Variants in PPM1L observed in about 807,000 individuals in gnomAD.
The protein encoded by PPM1L is protein phosphatase 1L.
Under a neutral mutation model 31.4 loss-of-function variants are expected in PPM1L, and 13 were observed. That is an observed-to-expected ratio of 0.41 (90% confidence interval 0.27 to 0.66). The LOEUF (loss-of-function observed/expected upper bound fraction) is 0.66. Among genes scored for constraint, PPM1L ranks in the 30% least tolerant of loss-of-function variants. The pLI is 0.29. For missense variants in PPM1L, 326 were observed against 453.7 expected (o/e 0.72, Z 2.56); for synonymous variants, 184 against 175.4 (o/e 1.05, Z -0.39).
chr3:160,889,837 G>C lies in PPM1L; in HGVS notation c.400-71899G>C, dbSNP rs549514191. On this transcript the variant is annotated intron_variant, in intron 1 of 3. Transcript: ENST00000498165. ...GTCAGCTTCATCCCTGGGATGCAAG[G>C]CTGGTTCAACATATGCAAATCAATA... 1.1e-4 allele frequency among the ~76,000 whole-genome samples: 16 copies of C among 152,280 alleles called. No individual in the cohort carries two copies. The East Asian group carries it at 2.5e-3, about 24-fold the overall frequency.
chr3:160,800,026 G>T (rs372163912), intron 1 of PPM1L, among the ~76,000 whole-genome samples: 1 of 152,042 alleles, frequency 6.6e-6, no homozygotes, highest in African/African-American at 2.4e-5. Flanking sequence ...ATAAACATTT[G>T]TTAAATGCAT....
At chr3:160,992,538 G>A (rs979716211) in intron 2 of PPM1L, among the ~76,000 whole-genome samples, 4 of 152,102 alleles carry the variant, frequency 2.6e-5, no homozygotes, top group Non-Finnish European at 5.9e-5. Flanking sequence ...AGAATTCGAG[G>A]GATATACCTG....
intron 2 of PPM1L, among the ~76,000 whole-genome samples, chr3:161,016,598 A>G (rs1718094354): frequency 6.6e-6 from 1 of 152,202 alleles, no homozygotes; most frequent in African/African-American, 2.4e-5. Context: ...CTTATAAGAT[A>G]GATGAGGAAC....
intron 1 of PPM1L, among the ~76,000 whole-genome samples, chr3:160,815,106 T>C (rs1269197345): frequency 6.6e-6 from 1 of 151,982 alleles, no homozygotes; most frequent in Non-Finnish European, 1.5e-5. Context: ...AAATCACCAC[T>C]AAGGAACTTA....
chr3:160,846,880 GT>G (rs1299673741), intron 1 of PPM1L, among the ~76,000 whole-genome samples: 1 of 151,760 alleles, frequency 6.6e-6, no homozygotes, highest in Non-Finnish European at 1.5e-5. Flanking sequence ...TTTTTTACTA[GT>G]TTTTTATGTG....
chr3:160,931,093 A>G (rs1714770851), intron 1 of PPM1L, among the ~76,000 whole-genome samples: 1 of 152,224 alleles, frequency 6.6e-6, no homozygotes, highest in Admixed American at 6.5e-5. Context: ...TGTATAAATG[A>G]CACTAATTAA....
In PPM1L at chr3:160,944,664, A is replaced by G. The variant is rs181349964; in HGVS notation, c.400-17072A>G. Among the ~76,000 whole-genome samples the G allele has an allele frequency of 2.4e-3, 348 of 142,952 alleles. 1 individual carries two copies. The highest frequency in any genetic ancestry group is 8.5e-3 in the African/African-American group (338 of 39,668). 93.8% of individuals were successfully genotyped at this position (142,952 alleles called of 152,430 possible). A position where few individuals can be genotyped will look rare whatever the true frequency, so the allele number is the denominator to read the frequency against. On this transcript the variant is annotated intron_variant, in intron 1 of 3. Coordinates refer to ENST00000498165, the MANE Select transcript of PPM1L (RefSeq NM_139245.4). ...TCAAATTTAACACAGTGCCCCATAC[A>G]TGAAGGCACATAATAAATGCAAGCT...
intron 1 of PPM1L, among the ~76,000 whole-genome samples, chr3:160,942,786 A>G (rs969362973): frequency 6.6e-6 from 1 of 152,228 alleles, no homozygotes; most frequent in African/African-American, 2.4e-5. Context: ...CCATGTGCAT[A>G]TAAACATCAT....
chr3:160,825,830 C>G (rs1382004627), intron 1 of PPM1L, among the ~76,000 whole-genome samples: 1 of 152,030 alleles, frequency 6.6e-6, no homozygotes, highest in Non-Finnish European at 1.5e-5. Flanking sequence ...ATTCGCGAAC[C>G]CTCCACACTC....
intron 1 of PPM1L, among the ~76,000 whole-genome samples, chr3:160,767,642 A>G (rs1158153545): frequency 6.6e-6 from 1 of 152,158 alleles, no homozygotes; most frequent in Non-Finnish European, 1.5e-5. Context: ...TTTCAACATT[A>G]TTGTTGCAAA....
Position 161,074,134 on chromosome 3 carries a change from C to T in PPM1L, c.*4977C>T, listed in dbSNP as rs1045536138. The T allele has an allele frequency of 3.3e-5, 5 of 152,148 alleles. No homozygotes were observed. Among genetic ancestry groups the T allele is most frequent in the Admixed American group, 2.6e-4 (4 of 15,282 alleles). 9.4% of individuals were successfully genotyped at this position (152,148 alleles called of 1,614,324 possible). ...TGTTATATAATAACTGAAATGTAAA[C>T]TATTAACAGTTATTTACTTTCTTTC... On this transcript the variant is annotated 3_prime_UTR_variant, in exon 4 of 4. Transcript: ENST00000498165.
At chr3:160,936,415 T>C (rs530250553) in intron 1 of PPM1L, among the ~76,000 whole-genome samples, 1 of 152,230 alleles carries the variant, frequency 6.6e-6, no homozygotes, top group South Asian at 2.1e-4. Context: ...TCAAATTTCT[T>C]GACATTATTT....
At chr3:161,025,237 TTC>T (rs1034904321) in intron 2 of PPM1L, among the ~76,000 whole-genome samples, 33 of 152,166 alleles carry the variant, frequency 2.2e-4, no homozygotes, top group African/African-American at 7.9e-4. Flanking sequence ...CCATGAGAGC[TTC>T]TCCTTCATGA....
intron 1 of PPM1L, among the ~76,000 whole-genome samples, chr3:160,896,463 A>G (rs1266522928): frequency 6.6e-6 from 1 of 152,170 alleles, no homozygotes; most frequent in Non-Finnish European, 1.5e-5. Context: ...CTCAAAAATT[A>G]TATTAATTTA....
Position 161,075,274 on chromosome 3 carries a change from G to A in PPM1L, c.*6117G>A, listed in dbSNP as rs1376027905. The A allele has an allele frequency of 6.6e-6, 1 of 152,160 alleles. No homozygotes were observed. Among genetic ancestry groups the A allele is most frequent in the African/African-American group, 2.4e-5 (1 of 41,430 alleles). The allele number at this position is 152,160 out of a possible 1,614,324, so 9.4% of individuals were successfully genotyped here. On this transcript the variant is annotated 3_prime_UTR_variant, in exon 4 of 4. Transcript: ENST00000498165. ...AGGCGGATGTAATAGTCAAGTATCA[G>A]GGAAAAACCCCTTTAGGATACCCAG...
At chr3:160,784,101 G>A (rs911904020) in intron 1 of PPM1L, among the ~76,000 whole-genome samples, 2 of 151,938 alleles carry the variant, frequency 1.3e-5, no homozygotes, top group African/African-American at 2.4e-5. Flanking sequence ...CATTCTTCTA[G>A]GTTAACTTGT....
chr3:160,916,799 C>T (rs1032790840), intron 1 of PPM1L, among the ~76,000 whole-genome samples: 14 of 151,864 alleles, frequency 9.2e-5, no homozygotes, highest in Non-Finnish European at 1.3e-4. Context: ...GGGTTGAATA[C>T]GTGCATGATT....
chr3:160,757,681 T>A (rs1162403617), intron 1 of PPM1L, among the ~76,000 whole-genome samples: 1 of 152,250 alleles, frequency 6.6e-6, no homozygotes, highest in Non-Finnish European at 1.5e-5. Context: ...ACCCCATCTC[T>A]CAAATTGGCG....
intron 2 of PPM1L, among the ~76,000 whole-genome samples, chr3:161,008,323 C>G (rs906677743): frequency 6.6e-6 from 1 of 152,198 alleles, no homozygotes; most frequent in Non-Finnish European, 1.5e-5. Flanking sequence ...AACAGACAAG[C>G]CTTGCAGGGT....
Sources: gnomAD v4.1 joint callset for allele counts (sites outside exome capture counted in the v4.1 genomes callset) on GRCh38, gnomAD v4.1.1 for gene constraint, MANE v1.5 for transcripts, NCBI Gene and HGNC (gene_info 2026-07-23, HGNC 2026-07-21) for gene names.